Variants in WASF2 observed in about 807,000 individuals in gnomAD.
WASF2 encodes actin-binding protein WASF2.
Under a neutral mutation model 45.0 loss-of-function variants are expected in WASF2, and 14 were observed. The observed-to-expected ratio is 0.31, with a 90% confidence interval of 0.21 to 0.49. The LOEUF (loss-of-function observed/expected upper bound fraction) is 0.49. Among genes scored for constraint, WASF2 ranks in the 20% least tolerant of loss-of-function variants. The pLI is 0.99. For missense variants in WASF2, 439 were observed against 636.1 expected, an observed-to-expected ratio of 0.69 and a Z score of 3.33; for synonymous variants, 200 against 236.3, an observed-to-expected ratio of 0.85 and a Z score of 1.41.
rs753459499 is a variant in WASF2 at position 27,418,403 on chromosome 1, G to A, written c.285C>T (p.Asn95=). The change falls in exon 4 of 9, where the codon AAC becomes AAT. Residue 95 remains asparagine, a synonymous_variant. Transcript: ENST00000618852. ...TGGAACTTCTGAAGGCTTTTCGGGT[G>A]TTGATTCCTTGCAGTGACACTGAGA... ...KEEEVSLQGI[N]TRKAFRSSTI... is the part of the protein sequence containing the mutation. 1.9e-6 allele frequency: 3 copies of A among 1,614,132 alleles called. No individual in the cohort carries two copies. The highest frequency in any genetic ancestry group is 1.3e-5 in the African/African-American group (1 of 74,942).
intron 1 of WASF2, among the ~76,000 whole-genome samples, chr1:27,474,691 A>C (rs1557621252): frequency 6.6e-6 from 1 of 151,394 alleles, no homozygotes; most frequent in Non-Finnish European, 1.5e-5. Context: ...AATCGCGCCT[A>C]AACCCAGGAG....
At chr1:27,470,760 G>A (rs1346630840) in intron 1 of WASF2, among the ~76,000 whole-genome samples, 1 of 152,158 alleles carries the variant, frequency 6.6e-6, no homozygotes, top group Non-Finnish European at 1.5e-5. Context: ...CTGCCCAGGA[G>A]TGCTATGCAT....
chr1:27,441,753 CAAAAAAAAAAAAA>C (rs35347075), intron 1 of WASF2, among the ~76,000 whole-genome samples: 3 of 51,718 alleles, frequency 5.8e-5, no homozygotes, highest in African/African-American at 1.9e-4. Flanking sequence ...GACTCCGTCT[CAAAAAAAAAAAAA>C]AAAAAAAAAA....
In WASF2 at chr1:27,419,581, C is replaced by G. The variant is rs1289673860; in HGVS notation, c.131-493G>C. Among the ~76,000 whole-genome samples, 12 of 152,192 alleles carry G rather than the reference C, an allele frequency of 7.9e-5. No individual in the cohort carries two copies. In the East Asian group the frequency reaches 2.3e-3, roughly 29 times the overall value. On this transcript the variant is annotated intron_variant, in intron 2 of 8. Transcript: ENST00000618852. ...AGTGAGCCAAGACCGAGCCACTGCACCCCATCCTGGGTGACGGAGCGAGAC... is the reference window on the plus strand; with the variant it reads ...AGTGAGCCAAGACCGAGCCACTGCAGCCCATCCTGGGTGACGGAGCGAGAC...
In WASF2 at chr1:27,410,329, A is replaced by C; in HGVS notation, c.825-123T>G. ...ACTATACCATTTCACTTTCACTTAA[A>C]CAGAAAGAAAAGCCTACAGATGGTC... On this transcript the variant is annotated intron_variant, in intron 7 of 8. Coordinates refer to ENST00000618852, the MANE Select transcript of WASF2 (RefSeq NM_006990.5). The surrounding 1 kb of genome is among the most constrained non-coding windows in gnomAD (Gnocchi z 4.2). 6.8e-7 allele frequency: 1 copy of C among 1,469,316 alleles called. No homozygotes were observed. The highest frequency in any genetic ancestry group is 1.4e-5 in the South Asian group (1 of 71,116). The allele number at this position is 1,469,316 out of a possible 1,614,324, so 91.0% of individuals were successfully genotyped here.
rs535959510 is a variant in WASF2 at position 27,441,667 on chromosome 1, T to C, written c.-43-12734A>G. 1.1e-3 allele frequency among the ~76,000 whole-genome samples: 158 copies of C among 139,074 alleles called. 1 individual carries two copies. Among genetic ancestry groups the C allele is most frequent in the African/African-American group, 3.9e-3 (143 of 37,078 alleles). The allele number at this position is 139,074 out of a possible 152,430, so 91.2% of individuals were successfully genotyped here. ...TACTCCGGAGGCTGAGGCAGGAGAA[T>C]GGCGGGAACCTGGGAGGCGGAGCTT... On this transcript the variant is annotated intron_variant, in intron 1 of 8. Coordinates refer to ENST00000618852, the MANE Select transcript of WASF2 (RefSeq NM_006990.5).
intron 1 of WASF2, among the ~76,000 whole-genome samples, chr1:27,454,174 TA>T (rs2017430166): frequency 1.1e-4 from 2 of 17,472 alleles, no homozygotes; most frequent in African/African-American, 3.1e-4. Flanking sequence ...TATATATATA[TA>T]TATATATATA....
intron 1 of WASF2, among the ~76,000 whole-genome samples, chr1:27,483,186 TAGGCC>T (rs2017875764): frequency 6.6e-6 from 1 of 152,024 alleles, no homozygotes; most frequent in African/African-American, 2.4e-5. Flanking sequence ...AATACAAAAT[TAGGCC>T]GGGCGTGGTG....
chr1:27,486,102 T>C (rs1190307493), intron 1 of WASF2, among the ~76,000 whole-genome samples: 2 of 152,192 alleles, frequency 1.3e-5, no homozygotes, highest in African/African-American at 4.8e-5. Context: ...CATTATTCAT[T>C]TGGAGGCAAA....
At chr1:27,424,877 G>A (rs530954158) in intron 2 of WASF2, among the ~76,000 whole-genome samples, 1 of 152,248 alleles carries the variant, frequency 6.6e-6, no homozygotes, top group East Asian at 1.9e-4. Flanking sequence ...GGCATGTAAC[G>A]GGAGCTCAGA....
intron 3 of WASF2, among the ~76,000 whole-genome samples, chr1:27,418,641 T>G (rs145055816): frequency 6.6e-6 from 1 of 152,210 alleles, no homozygotes; most frequent in African/African-American, 2.4e-5. Flanking sequence ...AGGTTTACTA[T>G]GTGGCCAGAT....
chr1:27,467,270 T>C (rs1333375133), intron 1 of WASF2, among the ~76,000 whole-genome samples: 2 of 144,676 alleles, frequency 1.4e-5, no homozygotes, highest in Non-Finnish European at 3.0e-5. Flanking sequence ...AAAAAAATAA[T>C]AGTTTGCAAC....
At position 27,409,942 on chromosome 1, in the gene WASF2, G is replaced by A; in HGVS notation, c.1089C>T (p.Ala363=). The A allele has an allele frequency of 6.2e-7, 1 of 1,607,580 alleles. No homozygotes were observed. Among genetic ancestry groups the A allele is most frequent in the Non-Finnish European group, 8.5e-7 (1 of 1,176,614 alleles). ...PSFPPHPDFA[A]PPPPPPPPAA... The stretch of plus-strand genomic sequence containing the variant: ...CTGGTGGTGGAGGAGGAGGTGGAGG[G>A]GCAGCAAAATCAGGGTGAGGTGGGA... Residue 363 remains alanine, a synonymous_variant, in exon 8 of 9, where the codon GCC becomes GCT. Transcript: ENST00000618852.
intron 1 of WASF2, among the ~76,000 whole-genome samples, chr1:27,468,948 T>C (rs1034440793): frequency 1.4e-5 from 2 of 140,850 alleles, no homozygotes; most frequent in Non-Finnish European, 3.1e-5. Context: ...AAAGGAGACA[T>C]AGAAGCTATG....
chr1:27,450,189 T>C (rs1032437547), intron 1 of WASF2, among the ~76,000 whole-genome samples: 3 of 41,254 alleles, frequency 7.3e-5, no homozygotes, highest in Non-Finnish European at 1.7e-4. Flanking sequence ...CGTGACAACA[T>C]GAGCTGTCTG....
At chr1:27,474,014 GA>G (rs1280957726) in intron 1 of WASF2, among the ~76,000 whole-genome samples, 16 of 152,180 alleles carry the variant, frequency 1.1e-4, no homozygotes, top group African/African-American at 3.6e-4. Flanking sequence ...TACCTGGAGG[GA>G]AACCAAAGTA....
chr1:27,455,101 C>T, intron 1 of WASF2, among the ~76,000 whole-genome samples: 1 of 152,090 alleles, frequency 6.6e-6, no homozygotes, highest in East Asian at 1.9e-4. Context: ...GTTCTAGTTG[C>T]TTCACATCCT....
Position 27,406,924 on chromosome 1 carries a change from A to G in WASF2, c.*1265T>C, listed in dbSNP as rs2016685474. The G allele has an allele frequency of 6.6e-6, 1 of 152,306 alleles. No homozygotes were observed. Among genetic ancestry groups the G allele is most frequent in the African/African-American group, 2.4e-5 (1 of 41,466 alleles). 9.4% of individuals were successfully genotyped at this position (152,306 alleles called of 1,614,324 possible). On this transcript the variant is annotated 3_prime_UTR_variant, in exon 9 of 9. Coordinates refer to ENST00000618852, the MANE Select transcript of WASF2 (RefSeq NM_006990.5). ...GAAATAAAAGGGGGAGGAGTTGCAG[A>G]GGAATTGAAAGCAGCACCTGTCAAA...
intron 1 of WASF2, among the ~76,000 whole-genome samples, chr1:27,455,822 C>T (rs906104348): frequency 2.6e-5 from 4 of 152,120 alleles, no homozygotes; most frequent in Non-Finnish European, 5.9e-5. Flanking sequence ...TCATCTACTC[C>T]AAGAGAACTC....
Sources: allele counts gnomAD v4.1 joint callset (sites outside exome capture counted in the v4.1 genomes callset), GRCh38; gene constraint gnomAD v4.1.1; non-coding constraint Gnocchi (gnomAD v3.1); transcripts MANE v1.5; gene names NCBI Gene and HGNC (gene_info 2026-07-23, HGNC 2026-07-21).